The following NREP variants were observed in gnomAD, a reference collection of about 807,000 sequenced individuals.
The protein encoded by NREP is neuronal regeneration related protein, also known as neuronal regeneration-related protein.
In NREP, 5 loss-of-function variants were observed where a neutral mutation model predicts 8.6. That is an observed-to-expected ratio of 0.58 (90% CI 0.30 to 1.22). The LOEUF (loss-of-function observed/expected upper bound fraction) is 1.22. NREP is among the 50% of genes most tolerant of loss of function. The pLI is 0.07. For missense variants in NREP, 86 were observed against 82.5 expected (o/e 1.04, Z -0.17); for synonymous variants, 27 against 28.0 (o/e 0.96, Z 0.11).
chr5:111,809,603 G>A (rs1165294704), intron 2 of NREP, among the ~76,000 whole-genome samples: 3 of 152,012 alleles, frequency 2.0e-5, no homozygotes, highest in African/African-American at 7.2e-5. Context: ...TATTCCTCGG[G>A]TTTTGCCTCT....
intron 2 of NREP, among the ~76,000 whole-genome samples, chr5:111,960,987 G>A (rs1756464415): frequency 6.6e-6 from 1 of 152,176 alleles, no homozygotes; most frequent in Non-Finnish European, 1.5e-5. Context: ...GTCATAAAAT[G>A]TTGACATGGT....
chr5:111,799,339 T>C (rs1751947748), intron 2 of NREP, among the ~76,000 whole-genome samples: 1 of 152,194 alleles, frequency 6.6e-6, no homozygotes, highest in Admixed American at 6.5e-5. Flanking sequence ...TTGCATTGAA[T>C]TTGTAGACTG....
chr5:111,942,125 C>G (rs747247878), intron 2 of NREP, among the ~76,000 whole-genome samples: 1 of 152,016 alleles, frequency 6.6e-6, no homozygotes, highest in Non-Finnish European at 1.5e-5. Context: ...CTTAGCTTCA[C>G]AAAAGTTATT....
intron 2 of NREP, among the ~76,000 whole-genome samples, chr5:111,877,775 G>C (rs1241506008): frequency 6.6e-6 from 1 of 152,132 alleles, no homozygotes; most frequent in African/African-American, 2.4e-5. Context: ...AGGTTTTACA[G>C]TTGAAGACTC....
intron 2 of NREP, among the ~76,000 whole-genome samples, chr5:111,798,361 T>A (rs77917390): frequency 0.063 from 9,634 of 152,262 alleles, 431 homozygotes; most frequent in Non-Finnish European, 0.094. Flanking sequence ...TGGGCTTTTT[T>A]AATTAGTTTT....
chr5:111,824,163 G>A (rs373192428), intron 2 of NREP, among the ~76,000 whole-genome samples: 4 of 152,194 alleles, frequency 2.6e-5, no homozygotes, highest in Admixed American at 1.3e-4. Context: ...GAGGTCAGGA[G>A]ATCAAGGCCA....
At chr5:111,884,168 A>G (rs933981366) in intron 2 of NREP, among the ~76,000 whole-genome samples, 1 of 151,882 alleles carries the variant, frequency 6.6e-6, no homozygotes, top group African/African-American at 2.4e-5. Context: ...CAGAAATACA[A>G]ACTACCATCA....
At chr5:111,879,869 C>A (rs1754006377) in intron 2 of NREP, among the ~76,000 whole-genome samples, 1 of 152,126 alleles carries the variant, frequency 6.6e-6, no homozygotes, top group Admixed American at 6.5e-5. Context: ...GCTCTGGCAT[C>A]TTTTCTTGTA....
chr5:111,760,752 G>A (rs1024555802), upstream of NREP, among the ~76,000 whole-genome samples: 1 of 152,148 alleles, frequency 6.6e-6, no homozygotes, highest in African/African-American at 2.4e-5. Context: ...ACATCCAGAT[G>A]GTATAAGAAA....
intron 2 of NREP, among the ~76,000 whole-genome samples, chr5:111,890,942 A>T (rs1335112608): frequency 6.6e-6 from 1 of 152,204 alleles, no homozygotes; most frequent in Non-Finnish European, 1.5e-5. Context: ...TTAATTATGC[A>T]AATTTCTCTA....
At chr5:111,934,645 T>C (rs112422371) in intron 2 of NREP, among the ~76,000 whole-genome samples, 293 of 152,202 alleles carry the variant, frequency 1.9e-3, no homozygotes, top group African/African-American at 6.8e-3. Flanking sequence ...GAGGAATGTA[T>C]GGCCGCAGTT....
intron 2 of NREP, among the ~76,000 whole-genome samples, chr5:111,936,376 C>A (rs1755683644): frequency 6.6e-6 from 1 of 151,994 alleles, no homozygotes; most frequent in African/African-American, 2.4e-5. Context: ...GTAAGACGTG[C>A]CTTGCTTCCC....
chr5:111,881,431 C>T (rs557739430), intron 2 of NREP, among the ~76,000 whole-genome samples: 1 of 152,294 alleles, frequency 6.6e-6, no homozygotes, highest in South Asian at 2.1e-4. Flanking sequence ...CAGCAGTAAC[C>T]TCTGCAGACT....
At chr5:111,738,972 C>G (rs1749406125) in intron 2 of NREP, 1 of 152,294 alleles carries the variant, frequency 6.6e-6, no homozygotes, top group Non-Finnish European at 1.5e-5. Context: ...AGGGAGGCCT[C>G]AGAAGAAACC....
intron 2 of NREP, among the ~76,000 whole-genome samples, chr5:111,879,851 G>C (rs1015898740): frequency 3.3e-5 from 5 of 152,130 alleles, no homozygotes; most frequent in Admixed American, 2.0e-4. Context: ...AAAAAAGACA[G>C]TGCAAGTGCT....
chr5:111,800,876 A>C (rs1751989318), intron 2 of NREP, among the ~76,000 whole-genome samples: 1 of 152,248 alleles, frequency 6.6e-6, no homozygotes. Flanking sequence ...AACAATAATT[A>C]GTCCTCAAGT....
intron 2 of NREP, among the ~76,000 whole-genome samples, chr5:111,807,868 C>T (rs1752175980): frequency 6.6e-6 from 1 of 152,126 alleles, no homozygotes; most frequent in African/African-American, 2.4e-5. Context: ...AACCCACCAG[C>T]TCTGAATATC....
chr5:111,919,981 C>G (rs985616919), intron 2 of NREP, among the ~76,000 whole-genome samples: 11 of 137,720 alleles, frequency 8.0e-5, no homozygotes, highest in African/African-American at 2.7e-4. Flanking sequence ...ATACCCCCCC[C>G]CCCCACACAC....
intron 2 of NREP, among the ~76,000 whole-genome samples, chr5:111,782,616 T>C (rs1031421263): frequency 6.6e-6 from 1 of 152,102 alleles, no homozygotes; most frequent in African/African-American, 2.4e-5. Context: ...CTAAATTAAC[T>C]CTAAATATAA....
Sources: gnomAD v4.1 joint callset for allele counts (sites outside exome capture counted in the v4.1 genomes callset) on GRCh38, gnomAD v4.1.1 for gene constraint, MANE v1.5 for transcripts, NCBI Gene and HGNC (gene_info 2026-07-23, HGNC 2026-07-21) for gene names.